Variants in ZNF704 observed in about 807,000 individuals in gnomAD.
The protein encoded by ZNF704 is glucocorticoid induced gene 1.
A neutral mutation model predicts 44.7 loss-of-function variants in ZNF704; 10 were observed. The ratio of observed to expected loss-of-function variants is 0.22; its 90% confidence interval spans 0.14 to 0.38. The LOEUF (loss-of-function observed/expected upper bound fraction) is 0.38. ZNF704 is among the 10% of genes least tolerant of loss of function. The pLI, the probability that ZNF704 is intolerant of heterozygous loss-of-function variation, is 1.00. For missense variants in ZNF704, 390 were observed against 545.5 expected (o/e 0.71, Z 2.84); for synonymous variants, 211 against 207.6 (o/e 1.02, Z -0.14).
At chr8:80,793,208 A>AT (rs1807741880) in intron 2 of ZNF704, among the ~76,000 whole-genome samples, 1 of 152,170 alleles carries the variant, frequency 6.6e-6, no homozygotes, top group Non-Finnish European at 1.5e-5. Flanking sequence ...ATCAAAGATG[A>AT]TGTCCAGCTT....
intron 2 of ZNF704, among the ~76,000 whole-genome samples, chr8:80,765,560 G>GTAAC (rs1490091293): frequency 6.6e-6 from 1 of 152,154 alleles, no homozygotes; most frequent in African/African-American, 2.4e-5. Context: ...CCAACATGAT[G>GTAAC]TAACTATCCT....
At chr8:80,850,457 A>G (rs1417785202) in intron 1 of ZNF704, among the ~76,000 whole-genome samples, 1 of 152,200 alleles carries the variant, frequency 6.6e-6, no homozygotes, top group Admixed American at 6.5e-5. Context: ...TGACACTGGC[A>G]TGGAGTGTTG....
intron 1 of ZNF704, among the ~76,000 whole-genome samples, chr8:80,841,221 T>G (rs1056247448): frequency 1.3e-5 from 2 of 152,204 alleles, no homozygotes; most frequent in Non-Finnish European, 2.9e-5. Context: ...TTGTGCTTCT[T>G]GTCACACGCA....
At chr8:80,733,307 T>C (rs1298096265) in intron 2 of ZNF704, among the ~76,000 whole-genome samples, 1 of 152,224 alleles carries the variant, frequency 6.6e-6, no homozygotes, top group African/African-American at 2.4e-5. Context: ...TCTTTTCCCA[T>C]GCACACTGCC....
chr8:80,755,965 T>C (rs1026612792), intron 2 of ZNF704, among the ~76,000 whole-genome samples: 3 of 151,732 alleles, frequency 2.0e-5, no homozygotes, highest in African/African-American at 7.3e-5. Context: ...ATAAATCAGC[T>C]GAGTGTGCTG....
chr8:80,760,428 C>T (rs1025360161), intron 2 of ZNF704, among the ~76,000 whole-genome samples: 7 of 151,914 alleles, frequency 4.6e-5, no homozygotes, highest in African/African-American at 1.7e-4. Context: ...GAGGCTGAGG[C>T]GGGTGGATCA....
At chr8:80,816,964 C>A (rs1808186457) in intron 2 of ZNF704, among the ~76,000 whole-genome samples, 1 of 152,138 alleles carries the variant, frequency 6.6e-6, no homozygotes, top group Non-Finnish European at 1.5e-5. Flanking sequence ...TTCCTACCAA[C>A]CCCAAGAAAC....
Position 80,854,184 on chromosome 8 carries a change from G to A in ZNF704, c.-22+20387C>T, listed in dbSNP as rs556418045. Among the ~76,000 whole-genome samples, 8 of 152,252 alleles carry A rather than the reference G, an allele frequency of 5.3e-5. No homozygotes were observed. The East Asian group carries it at 1.5e-3, about 29-fold the overall frequency. On this transcript the variant is annotated intron_variant, in intron 1 of 8. Transcript: ENST00000327835. ...GCGTTAAGGCACTGTAAAAACACAA[G>A]ACATAATCAATGCTTTGCTGTCATG... is the stretch of plus-strand genomic sequence containing the variant.
At chr8:80,848,637 G>C (rs1390094643) in intron 1 of ZNF704, among the ~76,000 whole-genome samples, 2 of 152,030 alleles carry the variant, frequency 1.3e-5, no homozygotes, top group Non-Finnish European at 2.9e-5. Context: ...TTCAGCCCAG[G>C]AGTTCGAGAC....
chr8:80,710,304 G>T (rs1179027852), intron 2 of ZNF704, among the ~76,000 whole-genome samples: 1 of 152,070 alleles, frequency 6.6e-6, no homozygotes, highest in Non-Finnish European at 1.5e-5. Flanking sequence ...TTCCCTATTT[G>T]TCAGCCACTG....
chr8:80,840,237 G>A (rs946566744), intron 1 of ZNF704, among the ~76,000 whole-genome samples: 3 of 152,224 alleles, frequency 2.0e-5, no homozygotes, highest in Admixed American at 1.3e-4. Context: ...CCTGCGGGCC[G>A]CATGAGGTCC....
rs943758653 is a variant in ZNF704 at position 80,652,101 on chromosome 8, A to C, written c.1032+7484T>G. 5.9e-5 allele frequency among the ~76,000 whole-genome samples: 9 copies of C among 152,238 alleles called. No homozygotes were observed. In the East Asian group the frequency reaches 1.5e-3, roughly 26 times the overall value. ...ATCACGAAATGAAGGCAGAAATAAA[A>C]ATGTTCTTTGAAACCAATGAGAACA... On this transcript the variant is annotated intron_variant, in intron 7 of 8. Transcript: ENST00000327835.
chr8:80,667,403 T>G lies in ZNF704; in HGVS notation c.660-2321A>C, dbSNP rs73271037. Among the ~76,000 whole-genome samples the G allele has an allele frequency of 9.8e-3, 1,493 of 152,268 alleles. 24 individuals carry two copies. Among genetic ancestry groups the G allele is most frequent in the African/African-American group, 0.034 (1,422 of 41,536 alleles). ...CACCAAGGAGCTGTTGTCAGCAATA[T>G]TCCAGATGAGCAGGACAGGCAAGCA... On this transcript the variant is annotated intron_variant, in intron 5 of 8. Transcript: ENST00000327835.
chr8:80,843,549 G>A (rs1028463506), intron 1 of ZNF704, among the ~76,000 whole-genome samples: 3 of 152,228 alleles, frequency 2.0e-5, no homozygotes, highest in South Asian at 2.1e-4. Context: ...CCAGAAACAT[G>A]TACATTCTTC....
chr8:80,749,109 T>C (rs756294248), intron 2 of ZNF704, among the ~76,000 whole-genome samples: 17 of 152,146 alleles, frequency 1.1e-4, no homozygotes, highest in Non-Finnish European at 2.2e-4. Flanking sequence ...TCCTAACTAC[T>C]ATATAATTTT....
chr8:80,748,634 T>C (rs1806887396), intron 2 of ZNF704, among the ~76,000 whole-genome samples: 1 of 152,172 alleles, frequency 6.6e-6, no homozygotes, highest in African/African-American at 2.4e-5. Flanking sequence ...GGCATTGCTG[T>C]AGCAAATAGC....
chr8:80,714,414 G>A (rs148582922), intron 2 of ZNF704, among the ~76,000 whole-genome samples: 1 of 152,210 alleles, frequency 6.6e-6, no homozygotes, highest in Non-Finnish European at 1.5e-5. Flanking sequence ...AAGTTCATTT[G>A]AGTATCAAAC....
chr8:80,802,362 A>T (rs1384827809), intron 2 of ZNF704, among the ~76,000 whole-genome samples: 1 of 152,120 alleles, frequency 6.6e-6, no homozygotes, highest in Admixed American at 6.6e-5. Flanking sequence ...TGATATCAAA[A>T]CCTGGCAGAG....
rs1349240217 is a variant in ZNF704, at chr8:80,874,097, C to T, written c.-22+474G>A. 6.8e-6 allele frequency among the ~76,000 whole-genome samples: 1 copy of T among 146,848 alleles called. No homozygotes were observed. The highest frequency in any genetic ancestry group is 2.4e-5 in the African/African-American group (1 of 40,888). ...CGCGGGGCCGGAGAGTTTGTCACCT[C>T]CTCTTCCTCCTCTGCCTCCGCCGGT... On this transcript the variant is annotated intron_variant, in intron 1 of 8. Transcript: ENST00000327835. The surrounding 1 kb of genome is among the most constrained non-coding windows in gnomAD (Gnocchi z 4.4).
Sources: gnomAD v4.1 joint callset for allele counts (sites outside exome capture counted in the v4.1 genomes callset) on GRCh38, gnomAD v4.1.1 for gene constraint, Gnocchi (gnomAD v3.1) non-coding constraint, MANE v1.5 for transcripts, NCBI Gene and HGNC (gene_info 2026-07-23, HGNC 2026-07-21) for gene names.